Variants in AGPAT3 observed in about 807,000 individuals in gnomAD.
AGPAT3 encodes the protein 1-acylglycerol-3-phosphate O-acyltransferase 3, also known as 1-acyl-sn-glycerol-3-phosphate acyltransferase gamma.
Under a neutral mutation model 47.3 loss-of-function variants are expected in AGPAT3, and 5 were observed. That is an observed-to-expected ratio of 0.11 (90% confidence interval 0.06 to 0.22). The LOEUF is 0.22. AGPAT3 is among the 10% of genes least tolerant of loss of function. The pLI, the probability that AGPAT3 is intolerant of heterozygous loss-of-function variation, is 1.00. For synonymous variants in AGPAT3, 212 were observed against 208.3 expected (o/e 1.02, Z -0.15); for missense variants, 315 against 493.0 (o/e 0.64, Z 3.42).
At chr21:43,953,994 T>A (rs1569086890) in intron 2 of AGPAT3, among the ~76,000 whole-genome samples, 1 of 152,188 alleles carries the variant, frequency 6.6e-6, no homozygotes, top group Non-Finnish European at 1.5e-5. Flanking sequence ...TGATATTCTG[T>A]CTCTATAAAT....
At chr21:43,961,323 T>C (rs1285198226) in intron 3 of AGPAT3, among the ~76,000 whole-genome samples, 2 of 152,274 alleles carry the variant, frequency 1.3e-5, no homozygotes, top group African/African-American at 4.8e-5. Flanking sequence ...GGTGAGCGCA[T>C]AGACACTTTG....
At chr21:43,910,819 T>C (rs920936780) in intron 2 of AGPAT3, among the ~76,000 whole-genome samples, 3 of 152,220 alleles carry the variant, frequency 2.0e-5, no homozygotes, top group Non-Finnish European at 4.4e-5. Flanking sequence ...ATCTCATCAG[T>C]GTTCAGGACA....
At chr21:43,901,161 G>T (rs2086341272) in intron 1 of AGPAT3, among the ~76,000 whole-genome samples, 1 of 152,028 alleles carries the variant, frequency 6.6e-6, no homozygotes, top group Admixed American at 6.6e-5. Flanking sequence ...TCTTTTGTTT[G>T]TTTTAAGAAA....
In AGPAT3 at chr21:43,978,082, G is replaced by A. The variant is rs2089688066; in HGVS notation, c.804G>A (p.Lys268=). Residue 268 remains lysine, a synonymous_variant, in exon 8 of 10, where the codon AAG becomes AAA. Transcript: ENST00000291572. Reference sequence around the variant, plus strand: ...TGGAAGACATCCCGCTGGATGAAAAGGAAGCAGCTCAGTGGCTTCATAAAC... The same window carrying A: ...TGGAAGACATCCCGCTGGATGAAAAAGAAGCAGCTCAGTGGCTTCATAAAC... ...FPLEDIPLDE[K]EAAQWLHKLY... is the part of the protein sequence containing the mutation. The A allele has an allele frequency of 1.9e-6, 3 of 1,613,626 alleles. No individual in the cohort carries two copies. The highest frequency in any genetic ancestry group is 2.5e-6 in the Non-Finnish European group (3 of 1,179,928).
intron 2 of AGPAT3, among the ~76,000 whole-genome samples, chr21:43,909,369 C>T (rs1203455351): frequency 3.3e-5 from 5 of 150,608 alleles, no homozygotes; most frequent in African/African-American, 1.2e-4. Flanking sequence ...GATCTCGGCT[C>T]ACCGCAAGCT....
chr21:43,921,193 G>A (rs536750921), intron 2 of AGPAT3, among the ~76,000 whole-genome samples: 5 of 152,284 alleles, frequency 3.3e-5, no homozygotes, highest in African/African-American at 1.2e-4. Context: ...TGAACCTGAG[G>A]GGGAGTCATT....
chr21:43,900,407 G>A (rs1005256563), intron 1 of AGPAT3, among the ~76,000 whole-genome samples: 2 of 152,196 alleles, frequency 1.3e-5, no homozygotes, highest in Non-Finnish European at 2.9e-5. Flanking sequence ...AGGCCGTGTG[G>A]ACAGTGACCA....
chr21:43,871,292 A>G (rs1461583007), intron 1 of AGPAT3, among the ~76,000 whole-genome samples: 1 of 152,232 alleles, frequency 6.6e-6, no homozygotes, highest in Non-Finnish European at 1.5e-5. Flanking sequence ...GGCTGCTGGA[A>G]ACAGCGTTCT....
At chr21:43,931,565 G>A (rs2087244562) in intron 2 of AGPAT3, among the ~76,000 whole-genome samples, 1 of 152,184 alleles carries the variant, frequency 6.6e-6, no homozygotes, top group Non-Finnish European at 1.5e-5. Flanking sequence ...TTGAAAAAGA[G>A]ATGTGGAGGT....
chr21:43,883,916 G>A (rs1423987430), intron 1 of AGPAT3, among the ~76,000 whole-genome samples: 2 of 152,130 alleles, frequency 1.3e-5, no homozygotes, highest in Non-Finnish European at 2.9e-5. Context: ...TTAGTAGAGA[G>A]ACGGGGTTTC....
intron 1 of AGPAT3, among the ~76,000 whole-genome samples, chr21:43,869,676 C>T (rs1015922121): frequency 6.6e-6 from 1 of 152,158 alleles, no homozygotes; most frequent in Non-Finnish European, 1.5e-5. Flanking sequence ...GAGTTAGGCA[C>T]AGCCAGCCCA....
rs915337685 is a variant in AGPAT3, at chr21:43,981,179, T to C, written c.1034T>C (p.Val345Ala). 5 of 1,614,148 alleles carry C rather than the reference T, an allele frequency of 3.1e-6. No homozygotes were observed. The highest frequency in any genetic ancestry group is 4.2e-6 in the Non-Finnish European group (5 of 1,180,020). ...CTGATCCTGACTTTCTTGGGGTTTG[T>C]GGGAGCAGGTAATGGACACTGTCGC... is the stretch of plus-strand genomic sequence containing the variant. ...PLLILTFLGF[V>A]GAASFGVRRL... The change falls in exon 9 of 10, where the codon GTG (valine) becomes GCG (alanine). Residue 345 changes from valine (V) to alanine (A), a missense_variant. Val to Ala is a moderately conservative substitution (Grantham distance 64, BLOSUM62 0). Transcript: ENST00000291572. The surrounding 1 kb of genome is among the most constrained non-coding windows in gnomAD (Gnocchi z 5.3).
At chr21:43,912,299 C>T (rs576272951) in intron 2 of AGPAT3, among the ~76,000 whole-genome samples, 16 of 152,348 alleles carry the variant, frequency 1.1e-4, no homozygotes, top group African/African-American at 3.6e-4. Context: ...ATGTGAGCCA[C>T]GTCTCCTTTT....
intron 1 of AGPAT3, among the ~76,000 whole-genome samples, chr21:43,892,950 C>T (rs2086131892): frequency 6.6e-6 from 1 of 152,154 alleles, no homozygotes; most frequent in Non-Finnish European, 1.5e-5. Flanking sequence ...CCAAAATTAG[C>T]CAGGCATGGT....
chr21:43,970,234 C>G lies in AGPAT3; in HGVS notation c.511-419C>G, dbSNP rs1268936154. ...TGTTGGCCAGGCTGGTCTTGAACTCCTGACCTCATGATCCACCCGCCTCGG... is the reference window on the plus strand; with the variant it reads ...TGTTGGCCAGGCTGGTCTTGAACTCGTGACCTCATGATCCACCCGCCTCGG... On this transcript the variant is annotated intron_variant, in intron 5 of 9. Coordinates refer to ENST00000291572, the MANE Select transcript of AGPAT3 (RefSeq NM_020132.5). The surrounding 1 kb of genome is among the most constrained non-coding windows in gnomAD (Gnocchi z 5.8). Among the ~76,000 whole-genome samples, 1 of 152,150 alleles carries G rather than the reference C, an allele frequency of 6.6e-6. No homozygotes were observed. Among genetic ancestry groups the G allele is most frequent in the Non-Finnish European group, 1.5e-5 (1 of 68,042 alleles).
chr21:43,985,316 A>G lies in AGPAT3; in HGVS notation c.*2924A>G, dbSNP rs1357973193. ...TGCTTTAAGGTCCCTGTCCTCAGGA[A>G]GCGCAGTCTGGTGGAAGAGATGAGC... On this transcript the variant is annotated 3_prime_UTR_variant, in exon 10 of 10. Coordinates refer to ENST00000291572, the MANE Select transcript of AGPAT3 (RefSeq NM_020132.5). The G allele has an allele frequency of 4.8e-6, 2 of 418,590 alleles. No individual in the cohort carries two copies. The highest frequency in any genetic ancestry group is 9.7e-6 in the Non-Finnish European group (2 of 206,274). 25.9% of individuals were successfully genotyped at this position (418,590 alleles called of 1,614,324 possible). A position where few individuals can be genotyped will look rare whatever the true frequency, so the allele number is the denominator to read the frequency against.
intron 1 of AGPAT3, among the ~76,000 whole-genome samples, chr21:43,891,513 A>G (rs2145931349): frequency 6.6e-6 from 1 of 152,128 alleles, no homozygotes; most frequent in East Asian, 1.9e-4. Flanking sequence ...GGCGCCTGTA[A>G]TCCCAGCTAC....
At position 43,984,961 on chromosome 21, in the gene AGPAT3, A is replaced by G. The variant is rs1263555291; in HGVS notation, c.*2569A>G. ...GCCTGGCATCGCTGATGCCCTCTGCACCCAGTCCTTGAGCCAGGCCGAGGA... is the reference window on the plus strand; with the variant it reads ...GCCTGGCATCGCTGATGCCCTCTGCGCCCAGTCCTTGAGCCAGGCCGAGGA... On this transcript the variant is annotated 3_prime_UTR_variant, in exon 10 of 10. Coordinates refer to ENST00000291572, the MANE Select transcript of AGPAT3 (RefSeq NM_020132.5). 2.6e-6 allele frequency: 1 copy of G among 377,916 alleles called. No homozygotes were observed. Among genetic ancestry groups the G allele is most frequent in the Admixed American group, 3.3e-5 (1 of 30,502 alleles). The allele number at this position is 377,916 out of a possible 1,614,324, so 23.4% of individuals were successfully genotyped here. A position where few individuals can be genotyped will look rare whatever the true frequency, so the allele number is the denominator to read the frequency against.
chr21:43,899,567 A>G (rs938301001), intron 1 of AGPAT3, among the ~76,000 whole-genome samples: 6 of 152,012 alleles, frequency 3.9e-5, no homozygotes, highest in South Asian at 2.1e-4. Flanking sequence ...TGCGTTGGGG[A>G]GGGCTGGCAG....
Sources: allele counts gnomAD v4.1 joint callset (sites outside exome capture counted in the v4.1 genomes callset), GRCh38; gene constraint gnomAD v4.1.1; non-coding constraint Gnocchi (gnomAD v3.1); transcripts MANE v1.5; gene names NCBI Gene and HGNC (gene_info 2026-07-23, HGNC 2026-07-21).